The following HTR2C variants were observed in gnomAD, a reference collection of about 807,000 sequenced individuals.
HTR2C encodes 5-hydroxytryptamine (serotonin) receptor 2C, G protein-coupled.
A neutral mutation model predicts 21.0 loss-of-function variants in HTR2C; 5 were observed. The observed-to-expected ratio is 0.24, with a 90% CI of 0.12 to 0.50. The LOEUF is 0.50. HTR2C is among the 20% of genes least tolerant of loss of function. The pLI, the probability that HTR2C is intolerant of heterozygous loss-of-function variation, is 0.98. For synonymous variants in HTR2C, 150 were observed against 145.3 expected (o/e 1.03, Z -0.23); for missense variants, 271 against 371.2 (o/e 0.73, Z 2.22).
intron 4 of HTR2C, among the ~76,000 whole-genome samples, chrX:114,842,456 A>T: frequency 8.9e-6 from 1 of 112,350 alleles, no homozygotes. Flanking sequence ...ACAGACTAGG[A>T]CAAGTAACAC....
intron 2 of HTR2C, among the ~76,000 whole-genome samples, chrX:114,670,982 T>G (rs1263968894): frequency 6.2e-5 from 7 of 112,357 alleles, no homozygotes; most frequent in African/African-American, 2.3e-4. Flanking sequence ...GAATTATCTA[T>G]TCTTGGTTTT....
At chrX:114,900,108 T>C (rs2071326522) in intron 5 of HTR2C, among the ~76,000 whole-genome samples, 1 of 111,608 alleles carries the variant, frequency 9.0e-6, no homozygotes, top group East Asian at 2.8e-4. Context: ...CTGTAACAGA[T>C]TTTTGGTCAG....
intron 4 of HTR2C, among the ~76,000 whole-genome samples, chrX:114,780,178 G>T (rs1556440183): frequency 9.0e-6 from 1 of 111,467 alleles, no homozygotes; most frequent in Non-Finnish European, 1.9e-5. Flanking sequence ...TTTTATGTAA[G>T]GGACTAAAGC....
intron 4 of HTR2C, among the ~76,000 whole-genome samples, chrX:114,816,658 A>G (rs1286730538): frequency 9.0e-6 from 1 of 110,707 alleles, no homozygotes; most frequent in African/African-American, 3.3e-5. Flanking sequence ...CCCTTACTAT[A>G]TTACAAAGTA....
chrX:114,628,513 C>A (rs1405890921), intron 2 of HTR2C, among the ~76,000 whole-genome samples: 1 of 105,314 alleles, frequency 9.5e-6, no homozygotes, highest in Non-Finnish European at 1.9e-5. Flanking sequence ...CCCACCTCAG[C>A]CTCCCAAAGT....
intron 2 of HTR2C, among the ~76,000 whole-genome samples, chrX:114,664,816 A>G (rs1931117145): frequency 8.9e-6 from 1 of 111,960 alleles, no homozygotes; most frequent in African/African-American, 3.2e-5. Context: ...ACAATGACTG[A>G]ACTAATTAAC....
intron 4 of HTR2C, among the ~76,000 whole-genome samples, chrX:114,802,050 G>A (rs191726450): frequency 5.4e-5 from 6 of 110,519 alleles, no homozygotes; most frequent in Admixed American, 9.7e-5. Flanking sequence ...AGATACAGGG[G>A]CAACAAAGAA....
At chrX:114,749,850 G>T (rs1490269198) in intron 4 of HTR2C, among the ~76,000 whole-genome samples, 2 of 111,777 alleles carry the variant, frequency 1.8e-5, no homozygotes, top group Non-Finnish European at 3.8e-5. Context: ...ACCTCAAATT[G>T]CCCCTTACCA....
intron 2 of HTR2C, among the ~76,000 whole-genome samples, chrX:114,696,703 G>A (rs1556415921): frequency 9.1e-6 from 1 of 109,795 alleles, no homozygotes; most frequent in Non-Finnish European, 1.9e-5. Flanking sequence ...GGATTTACAG[G>A]GCAACAGGAG....
intron 2 of HTR2C, among the ~76,000 whole-genome samples, chrX:114,694,798 CA>C (rs1156422552): frequency 4.5e-5 from 5 of 111,303 alleles, no homozygotes; most frequent in African/African-American, 1.6e-4. Context: ...CTGGGCACAA[CA>C]ATCTATTTCA....
Position 114,740,370 on chromosome X carries a change from G to A in HTR2C, c.349+8763G>A, listed in dbSNP as rs187267590. Among the ~76,000 whole-genome samples the A allele has an allele frequency of 1.8e-4, 20 of 110,076 alleles. No individual in the cohort carries two copies. The Admixed American group carries it at 2.0e-3, about 11-fold the overall frequency. The stretch of plus-strand genomic sequence containing the variant: ...ACTCTCGTATATTGCTGGTGGGAAT[G>A]TCAATTGCTACAAACCATTTTGGAG... On this transcript the variant is annotated intron_variant, in intron 4 of 5. Transcript: ENST00000276198.
At chrX:114,776,952 A>G (rs2070064554) in intron 4 of HTR2C, among the ~76,000 whole-genome samples, 1 of 111,456 alleles carries the variant, frequency 9.0e-6, no homozygotes, top group Admixed American at 9.6e-5. Context: ...ATGATTAAAA[A>G]CTCACTGATA....
At position 114,886,700 on chromosome X, in the gene HTR2C, AATAAT is replaced by A. The variant is rs782527729; in HGVS notation, c.551-19885_551-19881del. Among the ~76,000 whole-genome samples, 3 of 110,500 alleles carry A rather than the reference AATAAT, an allele frequency of 2.7e-5. No homozygotes were observed. In the East Asian group the frequency reaches 8.4e-4, roughly 31 times the overall value. Reference sequence around the variant, plus strand: ...TCACATCAATACATTTTACAAGCACAATAATATATCATTATAATTATTACTTTATG... The same window carrying A: ...TCACATCAATACATTTTACAAGCACAATATCATTATAATTATTACTTTATG... On this transcript the variant is annotated intron_variant, in intron 5 of 5. Transcript: ENST00000276198.
chrX:114,842,548 T>C (rs1376397541), intron 4 of HTR2C, among the ~76,000 whole-genome samples: 1 of 112,206 alleles, frequency 8.9e-6, no homozygotes, highest in Non-Finnish European at 1.9e-5. Context: ...AAGAAAACTT[T>C]ATTTTTAAGG....
chrX:114,710,454 T>C (rs1932875165), intron 2 of HTR2C, among the ~76,000 whole-genome samples: 1 of 111,182 alleles, frequency 9.0e-6, no homozygotes, highest in Non-Finnish European at 1.9e-5. Context: ...AAAATGTAGA[T>C]ATTGGAGTGC....
intron 2 of HTR2C, among the ~76,000 whole-genome samples, chrX:114,658,851 C>CAAAAAAAAA: frequency 9.0e-6 from 1 of 111,348 alleles, no homozygotes; most frequent in Middle Eastern, 4.7e-3. Flanking sequence ...ATAAGGGGGG[C>CAAAAAAAAA]AAAAGTTTTA....
chrX:114,635,497 T>C (rs782702735), intron 2 of HTR2C, among the ~76,000 whole-genome samples: 2 of 112,090 alleles, frequency 1.8e-5, no homozygotes, highest in Non-Finnish European at 1.9e-5. Context: ...AGGTAAGGAC[T>C]CAGAAATTCT....
At chrX:114,737,143 TTGAC>T (rs2069598504) in intron 4 of HTR2C, among the ~76,000 whole-genome samples, 1 of 109,498 alleles carries the variant, frequency 9.1e-6, no homozygotes, top group Non-Finnish European at 1.9e-5. Context: ...AGAGCAGTAA[TTGAC>T]TGGGTAGAGA....
chrX:114,585,769 G>A (rs932352252), intron 1 of HTR2C, among the ~76,000 whole-genome samples: 1 of 111,022 alleles, frequency 9.0e-6, no homozygotes, highest in Non-Finnish European at 1.9e-5. Context: ...CCAGTACCGC[G>A]CAGCTTCTTC....
Sources: allele counts gnomAD v4.1 joint callset (sites outside exome capture counted in the v4.1 genomes callset), GRCh38; gene constraint gnomAD v4.1.1; transcripts MANE v1.5; gene names NCBI Gene and HGNC (gene_info 2026-07-23, HGNC 2026-07-21).